Variants in C4BPA observed in about 807,000 individuals in gnomAD.
The protein encoded by C4BPA is C4b-binding protein alpha chain.
C4BPA carries 31 observed loss-of-function variants against 63.7 expected under a neutral mutation model. That is an observed-to-expected ratio of 0.49 (90% CI 0.37 to 0.66). C4BPA has a LOEUF of 0.66. C4BPA is among the 30% of genes least tolerant of loss of function. C4BPA has a pLI of 0.00. For synonymous variants in C4BPA, 259 were observed against 254.7 expected (o/e 1.02, Z -0.16); for missense variants, 572 against 723.3 (o/e 0.79, Z 2.40).
At position 207,115,528 on chromosome 1, in the gene C4BPA, T is replaced by G; in HGVS notation, c.428+13T>G. On this transcript the variant is annotated intron_variant, in intron 4 of 11. Coordinates refer to ENST00000367070, the MANE Select transcript of C4BPA (RefSeq NM_000715.4). Reference sequence around the variant, plus strand: ...GCTGTTCAGAAGGGTGAGTGTGAGGTAATCTATGAACAATTCTTTTATATT... The same window carrying G: ...GCTGTTCAGAAGGGTGAGTGTGAGGGAATCTATGAACAATTCTTTTATATT... 6 of 1,345,224 alleles carry G rather than the reference T, an allele frequency of 4.5e-6. No individual in the cohort carries two copies. Among genetic ancestry groups the G allele is most frequent in the Non-Finnish European group, 6.2e-6 (6 of 972,302 alleles). 83.3% of individuals were successfully genotyped at this position (1,345,224 alleles called of 1,614,324 possible). A position where few individuals can be genotyped will look rare whatever the true frequency, so the allele number is the denominator to read the frequency against.
At chr1:207,113,984 A>G in intron 2 of C4BPA, 116 bp from the exon 3 acceptor site, 1 of 806,742 alleles carries the variant, frequency 1.2e-6, no homozygotes, top group South Asian at 1.8e-5. Flanking sequence ...ATTTTTCTTG[A>G]CTAGAGATCA....
rs1459739658 is a variant in C4BPA, at chr1:207,118,288, C to T, written c.428+2773C>T. ...ATTTCTGCATGTTAGTTTGATATCT[C>T]AGCCAACTTTCTAAATTTATTATGC... On this transcript the variant is annotated intron_variant, in intron 4 of 11. Coordinates refer to ENST00000367070, the MANE Select transcript of C4BPA (RefSeq NM_000715.4). 5.3e-5 allele frequency among the ~76,000 whole-genome samples: 8 copies of T among 151,334 alleles called. No individual in the cohort carries two copies. The East Asian group carries it at 1.5e-3, about 29-fold the overall frequency.
chr1:207,126,235 T>C (rs73079131), intron 6 of C4BPA, among the ~76,000 whole-genome samples: 9,017 of 148,612 alleles, frequency 0.061, 601 homozygotes, highest in African/African-American at 0.16. Context: ...TTTATATATA[T>C]ACACACACAT....
chr1:207,109,000 C>T (rs763717317), intron 1 of C4BPA, among the ~76,000 whole-genome samples: 21 of 152,060 alleles, frequency 1.4e-4, no homozygotes, highest in Non-Finnish European at 2.6e-4. Context: ...GGATTACAGG[C>T]GTGAGCTACC....
chr1:207,124,111 T>A (rs1176699274), intron 5 of C4BPA, 64 bp from the exon 6 acceptor site: 12 of 1,548,646 alleles, frequency 7.7e-6, no homozygotes, highest in African/African-American at 2.7e-5. Flanking sequence ...AGAATTTGCA[T>A]GAATTTTAGA....
At chr1:207,132,445 C>T (rs949252159) in intron 8 of C4BPA, among the ~76,000 whole-genome samples, 53 of 152,184 alleles carry the variant, frequency 3.5e-4, no homozygotes, top group African/African-American at 1.2e-3. Context: ...GGTGAAGACA[C>T]TGAGGCCAAG....
intron 4 of C4BPA, among the ~76,000 whole-genome samples, chr1:207,122,415 G>A (rs1684937800): frequency 6.6e-6 from 1 of 151,988 alleles, no homozygotes; most frequent in African/African-American, 2.4e-5. Context: ...CTTGATCTTT[G>A]TTTGACTATC....
chr1:207,105,149 CA>C (rs1489348607), intron 1 of C4BPA, among the ~76,000 whole-genome samples: 1 of 151,862 alleles, frequency 6.6e-6, no homozygotes, highest in Non-Finnish European at 1.5e-5. Context: ...ATGGTAACAC[CA>C]AAAGAATAAA....
At chr1:207,133,476 G>T (rs1473458996) in intron 8 of C4BPA, among the ~76,000 whole-genome samples, 1 of 152,162 alleles carries the variant, frequency 6.6e-6, no homozygotes, top group South Asian at 2.1e-4. Context: ...AAAAATTAAA[G>T]AATTTGGCCA....
At chr1:207,140,079 A>G (rs1034699271) in intron 9 of C4BPA, among the ~76,000 whole-genome samples, 2 of 152,206 alleles carry the variant, frequency 1.3e-5, no homozygotes, top group Non-Finnish European at 2.9e-5. Flanking sequence ...CTTGCAATTC[A>G]TTATAATGGT....
At chr1:207,132,243 C>T (rs4571969) in intron 8 of C4BPA, among the ~76,000 whole-genome samples, 49,809 of 152,056 alleles carry the variant, frequency 0.33, 8,985 homozygotes, top group African/African-American at 0.48. Flanking sequence ...CGTGACTGAG[C>T]ATTCTCACTT....
At chr1:207,122,801 T>G (rs1684947071) in intron 4 of C4BPA, among the ~76,000 whole-genome samples, 1 of 152,166 alleles carries the variant, frequency 6.6e-6, no homozygotes, top group Non-Finnish European at 1.5e-5. Flanking sequence ...CTTGAACTCC[T>G]GGTCTCAAAG....
intron 11 of C4BPA, 93 bp downstream of exon 11, chr1:207,144,086 C>T: frequency 2.2e-6 from 2 of 896,718 alleles, no homozygotes; most frequent in Non-Finnish European, 3.3e-6. Flanking sequence ...ATGGTGAAAT[C>T]TGACTTGTCA....
At chr1:207,104,586 G>A (rs1045675419) in intron 1 of C4BPA, among the ~76,000 whole-genome samples, 156 bp downstream of exon 1, 3 of 152,164 alleles carry the variant, frequency 2.0e-5, no homozygotes, top group African/African-American at 7.2e-5. Flanking sequence ...GGGGATGTAA[G>A]ACTTGAGACG....
chr1:207,113,232 T>C, intron 2 of C4BPA, 65 bp downstream of exon 2: 1 of 1,536,332 alleles, frequency 6.5e-7, no homozygotes, highest in Non-Finnish European at 8.8e-7. Context: ...CATTCACTTT[T>C]AAGGCTAAAA....
intron 5 of C4BPA, 53 bp from the exon 6 acceptor site, chr1:207,124,122 T>C (rs1328549306): frequency 1.2e-5 from 19 of 1,564,840 alleles, no homozygotes; most frequent in Non-Finnish European, 1.6e-5. Flanking sequence ...GAATTTTAGA[T>C]TTATCATGAT....
rs745869320 is a variant in C4BPA at position 207,141,187 on chromosome 1, A to G, written c.1355A>G (p.Tyr452Cys). Residue 452 changes from tyrosine (Y) to cysteine (C), a missense_variant, in exon 10 of 12, where the codon TAT becomes TGT. By Grantham distance (194) the Tyr-to-Cys change is radical. Transcript: ENST00000367070. ...SYSFFKEEIIYECDKGYILVG... is the reference protein window; with the variant it reads ...SYSFFKEEIICECDKGYILVG... ...AGCTTTTTCAAAGAAGAGATTATAT[A>G]TGAATGTGATAAAGGCTACATTCTG... is the stretch of plus-strand genomic sequence containing the variant. 1.2e-6 allele frequency: 2 copies of G among 1,613,324 alleles called. No homozygotes were observed. Among genetic ancestry groups the G allele is most frequent in the East Asian group, 2.2e-5 (1 of 44,848 alleles).
At position 207,113,035 on chromosome 1, in the gene C4BPA, C is replaced by A. The variant is rs12072216; in HGVS notation, c.10C>A (p.Pro4Thr). Residue 4 changes from proline (P) to threonine (T), a missense_variant, in exon 2 of 12, where the codon CCA (proline) becomes ACA (threonine). Coordinates refer to ENST00000367070, the MANE Select transcript of C4BPA (RefSeq NM_000715.4). ...AGCGAAGCAGCAGGCCATGCACCCC[C>A]CAAAAACTCCATCTGGGGCTCTTCA... MHPPKTPSGALHRK... is the reference protein window; with the variant it reads MHPTKTPSGALHRK... The A allele has an allele frequency of 1.4e-5, 22 of 1,597,198 alleles. No homozygotes were observed. The highest frequency in any genetic ancestry group is 7.7e-6 in the Non-Finnish European group (9 of 1,175,106).
chr1:207,125,683 C>A (rs892629199), intron 6 of C4BPA, among the ~76,000 whole-genome samples: 3 of 152,186 alleles, frequency 2.0e-5, no homozygotes, highest in Non-Finnish European at 2.9e-5. Context: ...GACATTGAAT[C>A]TGATGGTGGC....
Sources: gnomAD v4.1 joint callset for allele counts (sites outside exome capture counted in the v4.1 genomes callset) on GRCh38, gnomAD v4.1.1 for gene constraint, MANE v1.5 for transcripts, NCBI Gene and HGNC (gene_info 2026-07-23, HGNC 2026-07-21) for gene names.